Variants in EPM2A observed in about 807,000 individuals in gnomAD.
EPM2A encodes EPM2A glucan phosphatase, laforin.
Under a neutral mutation model 26.5 loss-of-function variants are expected in EPM2A, and 21 were observed. The observed-to-expected ratio is 0.79, with a 90% CI of 0.56 to 1.14. The LOEUF (loss-of-function observed/expected upper bound fraction) is 1.14, where lower values mean the gene tolerates loss of function less well. EPM2A is among the 50% of genes most tolerant of loss of function. The probability of loss-of-function intolerance (pLI) is 0.00; values close to 1 mark genes in which losing one functional copy is unlikely to be tolerated. For missense variants in EPM2A, 458 were observed against 440.8 expected (o/e 1.04, Z -0.35); for synonymous variants, 217 against 177.6 (o/e 1.22, Z -1.76).
chr6:145,511,810 G>A (rs966057704), intron 2 of EPM2A, among the ~76,000 whole-genome samples: 6 of 152,116 alleles, frequency 3.9e-5, no homozygotes, highest in Non-Finnish European at 8.8e-5. Flanking sequence ...TTGGGAAAGA[G>A]GAAGTCAAAT....
intron 2 of EPM2A, among the ~76,000 whole-genome samples, chr6:145,519,328 A>G (rs932954980): frequency 2.6e-5 from 4 of 152,146 alleles, no homozygotes; most frequent in Admixed American, 6.6e-5. Flanking sequence ...TGAATGGTAG[A>G]GAAAAGGCAT....
Position 145,575,043 on chromosome 6 carries a change from C to T in EPM2A, c.340+60202G>A, listed in dbSNP as rs143552548. ...TTTAGTCTAGTTATAGGTCTAGAAGCAGACAGAGCTGTTGGGGGTGGCTCC... is the reference window on the plus strand; with the variant it reads ...TTTAGTCTAGTTATAGGTCTAGAAGTAGACAGAGCTGTTGGGGGTGGCTCC... On this transcript the variant is annotated intron_variant, in intron 2 of 3. Transcript: ENST00000450221. 5.0e-3 allele frequency among the ~76,000 whole-genome samples: 760 copies of T among 152,224 alleles called. 4 individuals are homozygous for T. The highest frequency in any genetic ancestry group is 0.018 in the African/African-American group (741 of 41,542).
chr6:145,526,207 G>A (rs896452222), intron 2 of EPM2A, among the ~76,000 whole-genome samples: 10 of 152,100 alleles, frequency 6.6e-5, no homozygotes, highest in Middle Eastern at 3.4e-3. Flanking sequence ...GTATTTTGTT[G>A]AGGATTTTGG....
chr6:145,635,543 G>C, intron 2 of EPM2A, 57 bp from the exon 3 acceptor site: 1 of 1,560,104 alleles, frequency 6.4e-7, no homozygotes, highest in Non-Finnish European at 8.8e-7. Flanking sequence ...TGAGGTTTAA[G>C]GAGCTGCATA....
chr6:145,627,661 G>A lies in EPM2A; in HGVS notation c.751C>T (p.Leu251=). 2 of 1,614,190 alleles carry A rather than the reference G, an allele frequency of 1.2e-6. No individual in the cohort carries two copies. The highest frequency in any genetic ancestry group is 1.1e-5 in the South Asian group (1 of 91,092). Residue 251 remains leucine (L), a synonymous_variant, in exon 4 of 4, where the codon CTG becomes TTG. Transcript: ENST00000367519. ...CCCTTCTCCAGCAGCGCATGCAGCA[G>A]GCACACCGCCTGGGGCAGCATCTGT... The part of the protein sequence containing the change: ...RVQMLPQAVC[L]LHALLEKGHI...
intron 2 of EPM2A, among the ~76,000 whole-genome samples, chr6:145,593,964 A>T (rs7765687): frequency 6.6e-6 from 1 of 151,272 alleles, no homozygotes; most frequent in African/African-American, 2.4e-5. Context: ...AGAAAAAAAC[A>T]ACAAAAGCTG....
chr6:145,591,785 T>C (rs1436633124), intron 2 of EPM2A, among the ~76,000 whole-genome samples: 1 of 151,982 alleles, frequency 6.6e-6, no homozygotes, highest in East Asian at 1.9e-4. Context: ...AAATAAAATA[T>C]TTTGTTACAA....
At chr6:145,449,557 G>A (rs1438044305) in intron 4 of EPM2A, among the ~76,000 whole-genome samples, 1 of 152,118 alleles carries the variant, frequency 6.6e-6, no homozygotes, top group African/African-American at 2.4e-5. Context: ...GAAATAGCAA[G>A]CCCCCGCACA....
intron 4 of EPM2A, among the ~76,000 whole-genome samples, chr6:145,399,698 A>G (rs768788087): frequency 6.6e-6 from 1 of 152,200 alleles, no homozygotes; most frequent in Non-Finnish European, 1.5e-5. Flanking sequence ...TCTTAGCCAA[A>G]CAAGAAGGAT....
chr6:145,441,127 C>A (rs959096680), intron 4 of EPM2A, among the ~76,000 whole-genome samples: 2 of 152,242 alleles, frequency 1.3e-5, no homozygotes, highest in African/African-American at 4.8e-5. Context: ...GAAATCTAGA[C>A]GGAAGTTCCC....
At chr6:145,688,001 C>G (rs117128711) in intron 1 of EPM2A, among the ~76,000 whole-genome samples, 1 of 151,970 alleles carries the variant, frequency 6.6e-6, no homozygotes, top group African/African-American at 2.4e-5. Context: ...GAGATACATG[C>G]GTACAGTAAT....
chr6:145,529,981 A>G (rs188694624), intron 2 of EPM2A, among the ~76,000 whole-genome samples: 261 of 152,310 alleles, frequency 1.7e-3, no homozygotes, highest in African/African-American at 5.9e-3. Context: ...TAAATTTGGT[A>G]AGAGACTCCT....
At chr6:145,590,757 C>T (rs1781262615) in intron 2 of EPM2A, among the ~76,000 whole-genome samples, 1 of 152,004 alleles carries the variant, frequency 6.6e-6, no homozygotes, top group Admixed American at 6.6e-5. Context: ...TAATATAAAA[C>T]CTCACACTAA....
intron 2 of EPM2A, among the ~76,000 whole-genome samples, chr6:145,603,604 A>G (rs952957513): frequency 2.6e-5 from 4 of 152,230 alleles, no homozygotes; most frequent in Non-Finnish European, 5.9e-5. Context: ...TGCTTATTAA[A>G]TGAATCTACT....
At chr6:145,651,259 T>C (rs1324514878) in intron 2 of EPM2A, among the ~76,000 whole-genome samples, 1 of 152,206 alleles carries the variant, frequency 6.6e-6, no homozygotes, top group East Asian at 1.9e-4. Flanking sequence ...ACCAAAGCCA[T>C]ACAATTTGTC....
At chr6:145,488,495 T>TTG (rs146792300) in intron 4 of EPM2A, among the ~76,000 whole-genome samples, 1,664 of 131,940 alleles carry the variant, frequency 0.013, 14 homozygotes, top group Middle Eastern at 0.022. Context: ...ATTTGTGTGG[T>TTG]TGTGTGTGTG....
At chr6:145,724,796 G>C (rs1462428767) in intron 1 of EPM2A, among the ~76,000 whole-genome samples, 1 of 151,818 alleles carries the variant, frequency 6.6e-6, no homozygotes, top group Non-Finnish European at 1.5e-5. Flanking sequence ...TGTCCATATG[G>C]GGAGCAAAAA....
At chr6:145,648,218 T>C (rs969892182) in intron 2 of EPM2A, among the ~76,000 whole-genome samples, 1 of 152,216 alleles carries the variant, frequency 6.6e-6, no homozygotes, top group African/African-American at 2.4e-5. Flanking sequence ...AAAACACTTT[T>C]TCTTCGACCT....
chr6:145,561,750 A>G (rs1365901413), intron 2 of EPM2A, among the ~76,000 whole-genome samples: 1 of 152,214 alleles, frequency 6.6e-6, no homozygotes, highest in Admixed American at 6.5e-5. Flanking sequence ...GATGAATTAA[A>G]GTCTTTATAT....
Sources: gnomAD v4.1 joint callset for allele counts (sites outside exome capture counted in the v4.1 genomes callset) on GRCh38, gnomAD v4.1.1 for gene constraint, MANE v1.5 for transcripts, NCBI Gene and HGNC (gene_info 2026-07-23, HGNC 2026-07-21) for gene names.